The following KMT2C variants were observed in gnomAD, a reference collection of about 807,000 sequenced individuals.
KMT2C encodes the protein histone-lysine N-methyltransferase 2C.
A neutral mutation model predicts 507.9 loss-of-function variants in KMT2C; 88 were observed. The ratio of observed to expected loss-of-function variants is 0.17; its 90% CI spans 0.15 to 0.21. The LOEUF (loss-of-function observed/expected upper bound fraction) is 0.21, where lower values mean the gene tolerates loss of function less well. Ranked by LOEUF, KMT2C falls within the 10% of genes least tolerant of loss-of-function variation. The pLI is 1.00. For missense variants in KMT2C, 4,954 were observed against 5,957.8 expected, an observed-to-expected ratio of 0.83 and a Z score of 5.55; for synonymous variants, 2,049 against 2,080.8, an observed-to-expected ratio of 0.98 and a Z score of 0.42.
At chr7:152,150,739 C>T (rs1238249358) in intron 51 of KMT2C, among the ~76,000 whole-genome samples, 161 bp downstream of exon 51, 1 of 152,108 alleles carries the variant, frequency 6.6e-6, no homozygotes, top group African/African-American at 2.4e-5. Flanking sequence ...CGACTCAAGG[C>T]TCCCTACACC....
intron 2 of KMT2C, among the ~76,000 whole-genome samples, chr7:152,350,194 G>C (rs926571104): frequency 6.6e-6 from 1 of 152,142 alleles, no homozygotes; most frequent in Non-Finnish European, 1.5e-5. Flanking sequence ...AAGTTGCAGT[G>C]AGCCGAGATT....
intron 3 of KMT2C, 49 bp downstream of exon 3, chr7:152,330,552 G>A (rs538109105): frequency 2.5e-6 from 4 of 1,570,776 alleles, no homozygotes; most frequent in African/African-American, 2.7e-5. Context: ...TCATTTCACT[G>A]CTTTATTCCT....
chr7:152,158,123 A>G (rs116038746), intron 44 of KMT2C, among the ~76,000 whole-genome samples: 436 of 152,330 alleles, frequency 2.9e-3, no homozygotes, highest in African/African-American at 0.01. Flanking sequence ...TACTAAATGA[A>G]TGCTGCCAGG....
At chr7:152,418,702 T>C (rs757968114) in intron 1 of KMT2C, among the ~76,000 whole-genome samples, 4 of 152,166 alleles carry the variant, frequency 2.6e-5, no homozygotes, top group Non-Finnish European at 5.9e-5. Context: ...AGGGCTGGGA[T>C]TACAGTCGTG....
chr7:152,307,231 AAGGAAGGAAGGAAGGAAGGACGGT>A (rs2096625565), intron 6 of KMT2C, among the ~76,000 whole-genome samples: 1 of 129,730 alleles, frequency 7.7e-6, no homozygotes, highest in Non-Finnish European at 1.5e-5. Context: ...GGAAGGAAGG[AAGGAAGGAAGGAAGGAAGGACGGT>A]AGGAAGGAAG....
chr7:152,228,227 A>G (rs1162045219), intron 18 of KMT2C, among the ~76,000 whole-genome samples: 3 of 152,208 alleles, frequency 2.0e-5, no homozygotes, highest in Admixed American at 6.5e-5. Context: ...TAAAATCCTC[A>G]TAAACAAAAA....
intron 43 of KMT2C, among the ~76,000 whole-genome samples, chr7:152,161,782 C>A (rs2092466976): frequency 6.6e-6 from 1 of 152,150 alleles, no homozygotes; most frequent in Non-Finnish European, 1.5e-5. Flanking sequence ...GGAAATTAAT[C>A]ACTTATTTAC....
chr7:152,196,038 AAT>A, intron 27 of KMT2C, 27 bp from the exon 28 acceptor site: 1 of 1,407,692 alleles, frequency 7.1e-7, no homozygotes, highest in South Asian at 1.3e-5. Flanking sequence ...TGTTTTTTAA[AAT>A]TTCAGTATTT....
intron 1 of KMT2C, among the ~76,000 whole-genome samples, chr7:152,387,832 C>A (rs1380465651): frequency 6.6e-6 from 1 of 151,846 alleles, no homozygotes; most frequent in Non-Finnish European, 1.5e-5. Context: ...TACATACATA[C>A]ACGTCTTATC....
In KMT2C at chr7:152,185,722, T is replaced by C; in HGVS notation, c.5009-91A>G. On this transcript the variant is annotated intron_variant, in intron 33 of 58. Transcript: ENST00000262189. ...ATGTTGATGAACTGCTGACAGTTAA[T>C]CTTATTCAGGCCGTATTCTCATGAG... 4 of 953,616 alleles carry C rather than the reference T, an allele frequency of 4.2e-6. No homozygotes were observed. The Admixed American group carries it at 7.0e-5, about 17-fold the overall frequency. The allele number at this position is 953,616 out of a possible 1,614,324, so 59.1% of individuals were successfully genotyped here. A position where few individuals can be genotyped will look rare whatever the true frequency, so the allele number is the denominator to read the frequency against.
intron 55 of KMT2C, among the ~76,000 whole-genome samples, chr7:152,142,971 TAAGTA>T (rs1213951819): frequency 2.0e-5 from 3 of 151,914 alleles, no homozygotes; most frequent in African/African-American, 7.3e-5. Context: ...CAGGATGAAA[TAAGTA>T]AAGAGACAGA....
At chr7:152,292,434 T>C (rs1439963987) in intron 6 of KMT2C, among the ~76,000 whole-genome samples, 1 of 152,194 alleles carries the variant, frequency 6.6e-6, no homozygotes, top group Non-Finnish European at 1.5e-5. Flanking sequence ...CAACCAACTC[T>C]GACACTGTAG....
At chr7:152,266,911 T>C (rs1347646544) in intron 7 of KMT2C, among the ~76,000 whole-genome samples, 1 of 152,276 alleles carries the variant, frequency 6.6e-6, no homozygotes, top group Non-Finnish European at 1.5e-5. Context: ...TTAGTGAGGT[T>C]GCCAATGCCC....
In KMT2C at chr7:152,389,746, G is replaced by A. The variant is rs2097474490; in HGVS notation, c.162-31071C>T. Among the ~76,000 whole-genome samples, 7 of 152,038 alleles carry A rather than the reference G, an allele frequency of 4.6e-5. No individual in the cohort carries two copies. In the South Asian group the frequency reaches 1.0e-3, roughly 22 times the overall value. Reference sequence around the variant, plus strand: ...GTGAGCCACCATGCTCGGCCTACACGAACTTTTTTTAAACTAGCAGGGGTT... The same window carrying A: ...GTGAGCCACCATGCTCGGCCTACACAAACTTTTTTTAAACTAGCAGGGGTT... On this transcript the variant is annotated intron_variant, in intron 1 of 58. Coordinates refer to ENST00000262189, the MANE Select transcript of KMT2C (RefSeq NM_170606.3).
Position 152,154,297 on chromosome 7 carries a change from T to C in KMT2C, c.12109A>G (p.Ile4037Val). 1 of 1,614,210 alleles carries C rather than the reference T, an allele frequency of 6.2e-7. No homozygotes were observed. Among genetic ancestry groups the C allele is most frequent in the East Asian group, 2.2e-5 (1 of 44,884 alleles). ...CCAGCAGTGCTAGGAAGAATTGGAA[T>C]GATGGGGGACGGCACCGGTTCTGGA... Reference protein sequence around the residue: ...EPPEPVPSPIIPILPSTAGKS... With the variant: ...EPPEPVPSPIVPILPSTAGKS... The change falls in exon 47 of 59, where the codon ATT becomes GTT. Residue 4037 changes from isoleucine to valine, a missense_variant. Transcript: ENST00000262189.
At position 152,248,220 on chromosome 7, in the gene KMT2C, G is replaced by C. The variant is rs761652208; in HGVS notation, c.2214C>G (p.Asp738Glu). Residue 738 changes from aspartate to glutamate, a missense_variant, in exon 14 of 59, where the codon GAC (aspartate) becomes GAG (glutamate). By Grantham distance (45) the Asp-to-Glu change is conservative. Coordinates refer to ENST00000262189, the MANE Select transcript of KMT2C (RefSeq NM_170606.3). ...ENSELSTGLM[D>E]SEMTPTIEGC... ...CCTCAATTGTAGGAGTCATTTCAGAGTCCATCAATCCAGTAGAAAGTTCAG... is the reference window on the plus strand; with the variant it reads ...CCTCAATTGTAGGAGTCATTTCAGACTCCATCAATCCAGTAGAAAGTTCAG... The C allele has an allele frequency of 6.8e-6, 11 of 1,614,010 alleles. No homozygotes were observed. The highest frequency in any genetic ancestry group is 1.7e-5 in the Admixed American group (1 of 60,018).
At chr7:152,396,623 G>A (rs1287515679) in intron 1 of KMT2C, among the ~76,000 whole-genome samples, 2 of 152,140 alleles carry the variant, frequency 1.3e-5, no homozygotes, top group Non-Finnish European at 2.9e-5. Context: ...AAAAGAAAAC[G>A]ACAATTGCTG....
intron 31 of KMT2C, among the ~76,000 whole-genome samples, chr7:152,192,050 AG>A (rs1563332025): frequency 6.6e-6 from 1 of 151,906 alleles, no homozygotes; most frequent in African/African-American, 2.4e-5. Flanking sequence ...AAAAAAAAAA[AG>A]AAAAAGAAGT....
intron 2 of KMT2C, among the ~76,000 whole-genome samples, chr7:152,340,148 AT>A (rs71885303): frequency 0.023 from 2,979 of 127,620 alleles, 78 homozygotes; most frequent in African/African-American, 0.073. Flanking sequence ...TCACGCCTGG[AT>A]TTTTTTTTTT....
Sources: gnomAD v4.1 joint callset for allele counts (sites outside exome capture counted in the v4.1 genomes callset) on GRCh38, gnomAD v4.1.1 for gene constraint, MANE v1.5 for transcripts, NCBI Gene and HGNC (gene_info 2026-07-23, HGNC 2026-07-21) for gene names.